The following DYSF variants were observed in gnomAD, a reference collection of about 807,000 sequenced individuals.
DYSF encodes the protein dysferlin.
DYSF carries 212 observed loss-of-function variants against 274.9 expected under a neutral mutation model. The observed-to-expected ratio is 0.77, with a 90% confidence interval of 0.69 to 0.86. The LOEUF is 0.86. Among genes scored for constraint, DYSF ranks in the 40% least tolerant of loss-of-function variants. The pLI is 0.00. For missense variants in DYSF, 2,666 were observed against 2,783.2 expected (o/e 0.96, Z 0.95); for synonymous variants, 1,091 against 1,078.7 (o/e 1.01, Z -0.22).
At chr2:71,499,879 T>C (rs2084801175) in intron 3 of DYSF, among the ~76,000 whole-genome samples, 1 of 152,136 alleles carries the variant, frequency 6.6e-6, no homozygotes, top group Admixed American at 6.5e-5. Context: ...CCCACGGGTG[T>C]CATTTCCACC....
intron 39 of DYSF, 44 bp from the exon 40 acceptor site, chr2:71,613,290 T>C: frequency 6.4e-7 from 1 of 1,574,784 alleles, no homozygotes; most frequent in South Asian, 1.1e-5. Flanking sequence ...GGCGAGCCTT[T>C]TGAGAGAGCC....
At chr2:71,462,184 GC>G (rs913291972), upstream of DYSF, among the ~76,000 whole-genome samples, 10 of 152,220 alleles carry the variant, frequency 6.6e-5, no homozygotes, top group African/African-American at 2.4e-4. Flanking sequence ...GCACTGAACA[GC>G]AAGGGGTGTG....
chr2:71,646,478 G>A (rs1454102998), intron 42 of DYSF, among the ~76,000 whole-genome samples: 2 of 152,322 alleles, frequency 1.3e-5, no homozygotes, highest in Non-Finnish European at 1.5e-5. Flanking sequence ...TGGAAGGAAC[G>A]CTGGTTCTTT....
At chr2:71,655,432 A>T (rs150163381) in intron 42 of DYSF, among the ~76,000 whole-genome samples, 1 of 152,362 alleles carries the variant, frequency 6.6e-6, no homozygotes, top group Non-Finnish European at 1.5e-5. Context: ...TGACGAATTT[A>T]GCATGTATGT....
chr2:71,626,997 C>G (rs1239391518), intron 41 of DYSF, among the ~76,000 whole-genome samples: 1 of 151,138 alleles, frequency 6.6e-6, no homozygotes, highest in Non-Finnish European at 1.5e-5. Flanking sequence ...AATTTCTTCT[C>G]CATCTAGTTA....
chr2:71,528,407 G>A lies in DYSF; in HGVS notation c.1380+6G>A. The A allele has an allele frequency of 4.3e-6, 7 of 1,611,926 alleles. No homozygotes were observed. Among genetic ancestry groups the A allele is most frequent in the Non-Finnish European group, 5.1e-6 (6 of 1,178,346 alleles). On this transcript the variant is annotated splice_donor_region_variant and intron_variant, in intron 14 of 55. Coordinates refer to ENST00000410020, the MANE Select transcript of DYSF (RefSeq NM_001130987.2). ...TCAGCTTTGCGGGGAAAATGGTAAG[G>A]AGCAAGGGAGCAGGAGGGTTCTCTC...
At chr2:71,512,071 A>AGTGGGTGGG in intron 5 of DYSF, 150 bp downstream of exon 5, 2 of 636,708 alleles carry the variant, frequency 3.1e-6, no homozygotes, top group Non-Finnish European at 2.9e-6. Flanking sequence ...AAGAGGGTGC[A>AGTGGGTGGG]GTGGGTGGGA....
chr2:71,683,190 C>T (rs1366582090), intron 55 of DYSF, among the ~76,000 whole-genome samples: 3 of 152,174 alleles, frequency 2.0e-5, no homozygotes, highest in Admixed American at 6.5e-5. Context: ...CCTCCTGCAG[C>T]AGGTGGGCAT....
At chr2:71,540,948 T>C (rs971895064) in intron 17 of DYSF, among the ~76,000 whole-genome samples, 5 of 152,202 alleles carry the variant, frequency 3.3e-5, no homozygotes, top group Admixed American at 2.0e-4. Flanking sequence ...GGATCTAGCA[T>C]TACTTTTTTC....
exon 1 of DYSF, chr2:71,453,821 CG>C: frequency 3.0e-6 from 2 of 677,842 alleles, no homozygotes; most frequent in Non-Finnish European, 5.3e-6. Context: ...CTGGAGCAGC[CG>C]GGGGTGGCCC....
chr2:71,680,337 C>T (rs1466571781), intron 53 of DYSF, among the ~76,000 whole-genome samples: 1 of 152,108 alleles, frequency 6.6e-6, no homozygotes, highest in African/African-American at 2.4e-5. Flanking sequence ...AGAGAGAAGA[C>T]AGGCCCCCCT....
chr2:71,554,063 T>TG (rs1319905544), intron 21 of DYSF, 132 bp downstream of exon 21: 1 of 1,376,594 alleles, frequency 7.3e-7, no homozygotes, highest in Non-Finnish European at 1.0e-6. Flanking sequence ...CCTTTGTGGT[T>TG]GGTGTCCTCT....
intron 23 of DYSF, among the ~76,000 whole-genome samples, chr2:71,562,346 C>G (rs568789128): frequency 6.6e-6 from 1 of 152,280 alleles, no homozygotes; most frequent in African/African-American, 2.4e-5. Flanking sequence ...AACAACCTGC[C>G]CTGCCTGGAC....
At chr2:71,604,024 C>T (rs2093603721) in intron 36 of DYSF, among the ~76,000 whole-genome samples, 1 of 152,108 alleles carries the variant, frequency 6.6e-6, no homozygotes, top group African/African-American at 2.4e-5. Context: ...AAGCAGGCTG[C>T]AGGCTGAGGG....
rs2090185003 is a variant in DYSF at position 71,543,739 on chromosome 2, G to C, written c.1576+4500G>C. 2.0e-5 allele frequency among the ~76,000 whole-genome samples: 3 copies of C among 152,338 alleles called. No homozygotes were observed. In the South Asian group the frequency reaches 6.2e-4, roughly 32 times the overall value. On this transcript the variant is annotated intron_variant, in intron 17 of 55. Coordinates refer to ENST00000410020, the MANE Select transcript of DYSF (RefSeq NM_001130987.2). ...CAGTCAGGCGTGGCGGCGCGCGCCT[G>C]CAATCGCAGGCACTCGGCAGGCTGA... is the stretch of plus-strand genomic sequence containing the variant.
chr2:71,569,994 T>A (rs1412334751), intron 27 of DYSF, 60 bp downstream of exon 27: 31 of 1,452,816 alleles, frequency 2.1e-5, no homozygotes, highest in Non-Finnish European at 3.0e-5. Context: ...AGGCACCTGG[T>A]GCTCAGGGAC....
At position 71,589,762 on chromosome 2, in the gene DYSF, G is replaced by A. The variant is rs1225120516; in HGVS notation, c.3496+76G>A. 1.3e-5 allele frequency: 18 copies of A among 1,380,572 alleles called. No individual in the cohort carries two copies. The East Asian group carries it at 1.4e-4, about 11-fold the overall frequency. 85.5% of individuals were successfully genotyped at this position (1,380,572 alleles called of 1,614,324 possible). ...TGCTTCTGTTTGGATGGAGTTATAC[G>A]ATCAGATGTGTATGTGGGGCTCTGG... On this transcript the variant is annotated intron_variant, in intron 31 of 55. Transcript: ENST00000410020.
chr2:71,466,360 G>T (rs1404040887), upstream of DYSF, among the ~76,000 whole-genome samples: 3 of 152,162 alleles, frequency 2.0e-5, no homozygotes, highest in Admixed American at 6.5e-5. Flanking sequence ...CCCTTTCGTC[G>T]AGCGCACAGG....
chr2:71,540,952 T>A (rs1033251425), intron 17 of DYSF, among the ~76,000 whole-genome samples: 27 of 152,196 alleles, frequency 1.8e-4, no homozygotes, highest in African/African-American at 6.5e-4. Context: ...CTAGCATTAC[T>A]TTTTTCAAAA....
Sources: allele counts gnomAD v4.1 joint callset (sites outside exome capture counted in the v4.1 genomes callset), GRCh38; gene constraint gnomAD v4.1.1; transcripts MANE v1.5; gene names NCBI Gene and HGNC (gene_info 2026-07-23, HGNC 2026-07-21).